The following ACMSD variants were observed in gnomAD, a reference collection of about 807,000 sequenced individuals.
ACMSD encodes aminocarboxymuconate semialdehyde decarboxylase, also known as 2-amino-3-carboxymuconate-6-semialdehyde decarboxylase.
A neutral mutation model predicts 45.9 loss-of-function variants in ACMSD; 37 were observed. The observed-to-expected ratio is 0.81, with a 90% CI of 0.62 to 1.06. The LOEUF (loss-of-function observed/expected upper bound fraction) is 1.06, where lower values mean the gene tolerates loss of function less well. Among genes scored for constraint, ACMSD ranks in the 50% least tolerant of loss-of-function variants. The pLI is 0.00. For missense variants in ACMSD, 434 were observed against 420.9 expected, an observed-to-expected ratio of 1.03 and a Z score of -0.27; for synonymous variants, 138 against 148.8, an observed-to-expected ratio of 0.93 and a Z score of 0.53.
intron 8 of ACMSD, among the ~76,000 whole-genome samples, chr2:134,876,824 C>T (rs1009405413): frequency 7.2e-5 from 11 of 152,292 alleles, no homozygotes; most frequent in Middle Eastern, 3.4e-3. Context: ...CTCTATCACT[C>T]AGGCTGGAAT....
chr2:134,897,097 A>T (rs184371503), intron 8 of ACMSD, among the ~76,000 whole-genome samples: 45 of 152,174 alleles, frequency 3.0e-4, no homozygotes, highest in Admixed American at 2.9e-3. Flanking sequence ...ACTAAAACCC[A>T]TTGAATTATA....
intron 8 of ACMSD, among the ~76,000 whole-genome samples, chr2:134,885,284 A>ATAT (rs1206272476): frequency 4.1e-5 from 2 of 48,830 alleles, no homozygotes; most frequent in African/African-American, 2.5e-4. Context: ...TATATTATAT[A>ATAT]TTATATTTAT....
chr2:134,878,493 A>C (rs769943101), intron 8 of ACMSD, among the ~76,000 whole-genome samples: 5 of 151,964 alleles, frequency 3.3e-5, no homozygotes, highest in African/African-American at 4.8e-5. Context: ...CAGCTGGCTA[A>C]TTTTTGTATA....
chr2:134,901,791 T>C lies in ACMSD; in HGVS notation c.949-7T>C. 1.3e-6 allele frequency: 2 copies of C among 1,593,446 alleles called. No homozygotes were observed. Among genetic ancestry groups the C allele is most frequent in the South Asian group, 2.3e-5 (2 of 87,900 alleles). Reference sequence around the variant, plus strand: ...TAATGCTTTAAAATATTTTCTTTTCTTTTCAGAATAAACTCAAAGCCGGCA... The same window carrying C: ...TAATGCTTTAAAATATTTTCTTTTCCTTTCAGAATAAACTCAAAGCCGGCA... On this transcript the variant is annotated splice_polypyrimidine_tract_variant and splice_region_variant and intron_variant, in intron 9 of 9. Transcript: ENST00000356140.
intron 2 of ACMSD, among the ~76,000 whole-genome samples, chr2:134,848,774 C>T (rs1015533175): frequency 2.0e-5 from 3 of 152,132 alleles, no homozygotes; most frequent in African/African-American, 7.2e-5. Context: ...AGCTCTTTAG[C>T]ATTTGTCAAT....
At chr2:134,842,162 T>C (rs1465583504) in intron 1 of ACMSD, among the ~76,000 whole-genome samples, 1 of 152,198 alleles carries the variant, frequency 6.6e-6, no homozygotes, top group Admixed American at 6.5e-5. Flanking sequence ...AGATTGTAGA[T>C]GCTTCCCGGC....
At chr2:134,853,700 C>G (rs1687453622) in intron 2 of ACMSD, among the ~76,000 whole-genome samples, 5 of 151,810 alleles carry the variant, frequency 3.3e-5, no homozygotes. Flanking sequence ...AAAATTCCAG[C>G]TGGAAAAAAA....
At chr2:134,891,181 T>C (rs1415970876) in intron 8 of ACMSD, among the ~76,000 whole-genome samples, 1 of 152,122 alleles carries the variant, frequency 6.6e-6, no homozygotes, top group East Asian at 1.9e-4. Flanking sequence ...GCTTGTGCTT[T>C]TGAGGTCTTA....
intron 1 of ACMSD, among the ~76,000 whole-genome samples, chr2:134,841,586 C>A (rs1328312263): frequency 6.6e-6 from 1 of 151,900 alleles, no homozygotes; most frequent in Non-Finnish European, 1.5e-5. Flanking sequence ...TGAATGAGGA[C>A]CCACACTCTC....
chr2:134,867,565 T>C lies in ACMSD; in HGVS notation c.487-14T>C, dbSNP rs1688162733. On this transcript the variant is annotated splice_polypyrimidine_tract_variant and intron_variant, in intron 5 of 9. Transcript: ENST00000356140. ...AAAGTAACCCTCTCTCTCTCTCTCATTGCTTCTTTGAAGGCAGCCGAAAGG... is the reference window on the plus strand; with the variant it reads ...AAAGTAACCCTCTCTCTCTCTCTCACTGCTTCTTTGAAGGCAGCCGAAAGG... 6.2e-7 allele frequency: 1 copy of C among 1,606,996 alleles called. No homozygotes were observed.
intron 3 of ACMSD, 118 bp from the exon 4 acceptor site, chr2:134,861,851 G>A: frequency 9.5e-7 from 1 of 1,047,906 alleles, no homozygotes; most frequent in East Asian, 2.4e-5. Flanking sequence ...GAGGGACGCA[G>A]GGAGGGAGAG....
At chr2:134,874,488 TG>T (rs1377175101) in intron 8 of ACMSD, among the ~76,000 whole-genome samples, 1 of 152,178 alleles carries the variant, frequency 6.6e-6, no homozygotes, top group African/African-American at 2.4e-5. Context: ...GCTAGACATC[TG>T]GGCTAGAGAG....
At chr2:134,888,419 G>A (rs551798551) in intron 8 of ACMSD, among the ~76,000 whole-genome samples, 25 of 152,268 alleles carry the variant, frequency 1.6e-4, no homozygotes, top group African/African-American at 5.8e-4. Context: ...CACATTGTTA[G>A]TAGAATATAC....
chr2:134,858,672 G>T (rs141123224), intron 2 of ACMSD, among the ~76,000 whole-genome samples: 1 of 151,902 alleles, frequency 6.6e-6, no homozygotes, highest in African/African-American at 2.4e-5. Context: ...AAAAATTATT[G>T]CTGTGTACCC....
chr2:134,846,342 TA>T (rs1687050268), intron 2 of ACMSD, among the ~76,000 whole-genome samples: 1 of 152,140 alleles, frequency 6.6e-6, no homozygotes, highest in African/African-American at 2.4e-5. Context: ...ACTCTAGAGG[TA>T]GGGCAAGCAA....
At chr2:134,867,751 A>G (rs1202834163) in intron 6 of ACMSD, 79 bp downstream of exon 6, 2 of 1,163,106 alleles carry the variant, frequency 1.7e-6, no homozygotes, top group Non-Finnish European at 2.5e-6. Context: ...TATTATGTCA[A>G]ATAGGGAAAG....
intron 1 of ACMSD, among the ~76,000 whole-genome samples, chr2:134,839,514 CA>C (rs1218364610): frequency 1.3e-5 from 2 of 152,204 alleles, no homozygotes; most frequent in African/African-American, 4.8e-5. Flanking sequence ...CAATCTTCAG[CA>C]TTCTGCCAGT....
At position 134,863,519 on chromosome 2, in the gene ACMSD, C is replaced by A. The variant is rs368920093; in HGVS notation, c.374C>A (p.Ala125Glu). Residue 125 changes from alanine to glutamate, a missense_variant, in exon 5 of 10, where the codon GCG becomes GAG. Coordinates refer to ENST00000356140, the MANE Select transcript of ACMSD (RefSeq NM_138326.3). ...TTGCCCATGCAGGCCCCTGAGCTGG[C>A]GGTCAAGGAGATGGAGCGCTGTGTG... Reference protein sequence around the residue: ...GTLPMQAPELAVKEMERCVKE... With the variant: ...GTLPMQAPELEVKEMERCVKE... 46 of 1,614,090 alleles carry A rather than the reference C, an allele frequency of 2.8e-5. No homozygotes were observed. Among genetic ancestry groups the A allele is most frequent in the Non-Finnish European group, 3.7e-5 (44 of 1,180,038 alleles).
chr2:134,896,807 G>T (rs1350320449), intron 8 of ACMSD, among the ~76,000 whole-genome samples: 2 of 152,092 alleles, frequency 1.3e-5, no homozygotes, highest in Admixed American at 1.3e-4. Context: ...ATTGATTCAA[G>T]CAATAACATG....
Sources: gnomAD v4.1 joint callset for allele counts (sites outside exome capture counted in the v4.1 genomes callset) on GRCh38, gnomAD v4.1.1 for gene constraint, MANE v1.5 for transcripts, NCBI Gene and HGNC (gene_info 2026-07-23, HGNC 2026-07-21) for gene names.